Variants in LBP observed in about 807,000 individuals in gnomAD.
LBP encodes the protein lipopolysaccharide-binding protein.
In LBP, 53 loss-of-function variants were observed where a neutral mutation model predicts 56.6. The ratio of observed to expected loss-of-function variants is 0.94; its 90% confidence interval spans 0.75 to 1.18. The LOEUF (loss-of-function observed/expected upper bound fraction) is 1.18. LBP is among the 50% of genes most tolerant of loss of function. LBP has a pLI of 0.00. For missense variants in LBP, 601 were observed against 598.3 expected, an observed-to-expected ratio of 1.00 and a Z score of -0.05; for synonymous variants, 227 against 247.5, an observed-to-expected ratio of 0.92 and a Z score of 0.78.
chr20:38,355,762 A>G (rs912384659), intron 5 of LBP, among the ~76,000 whole-genome samples: 1 of 152,082 alleles, frequency 6.6e-6, no homozygotes, highest in Non-Finnish European at 1.5e-5. Flanking sequence ...AGGCGCCTGC[A>G]AGAGACCAGG....
At chr20:38,352,142 C>T (rs2076822712) in intron 3 of LBP, among the ~76,000 whole-genome samples, 2 of 152,120 alleles carry the variant, frequency 1.3e-5, no homozygotes, top group African/African-American at 4.8e-5. Context: ...TAGGGCCCAC[C>T]CTAATGGCCT....
At position 38,362,880 on chromosome 20, in the gene LBP, C is replaced by G. The variant is rs1046875370; in HGVS notation, c.653-1095C>G. Among the ~76,000 whole-genome samples the G allele has an allele frequency of 4.0e-5, 6 of 150,716 alleles. 1 individual carries two copies. The Middle Eastern group carries it at 0.015, about 367-fold the overall frequency. On this transcript the variant is annotated intron_variant, in intron 6 of 14. Transcript: ENST00000217407. Reference sequence around the variant, plus strand: ...GGAGGATCGCTTGAGCCCAGGAGGTCAAGGCAGCGGTGGGCTGAAATTGTG... The same window carrying G: ...GGAGGATCGCTTGAGCCCAGGAGGTGAAGGCAGCGGTGGGCTGAAATTGTG...
chr20:38,371,170 C>T, intron 11 of LBP, 110 bp from the exon 12 acceptor site: 10 of 788,258 alleles, frequency 1.3e-5, no homozygotes, highest in Non-Finnish European at 2.2e-5. Context: ...TCCCGCCCTA[C>T]CTTTGGCCCT....
intron 1 of LBP, among the ~76,000 whole-genome samples, chr20:38,349,185 C>T (rs1008940854): frequency 6.6e-6 from 1 of 152,220 alleles, no homozygotes; most frequent in African/African-American, 2.4e-5. Context: ...AAGATGCCCT[C>T]TTTCTCTAGC....
At chr20:38,347,267 G>A (rs898610050) in intron 1 of LBP, among the ~76,000 whole-genome samples, 11 of 152,228 alleles carry the variant, frequency 7.2e-5, no homozygotes, top group African/African-American at 2.7e-4. Flanking sequence ...GGGCAGGCCA[G>A]GCACAGTGGC....
At chr20:38,373,694 C>G (rs1457679283) in intron 13 of LBP, among the ~76,000 whole-genome samples, 1 of 152,148 alleles carries the variant, frequency 6.6e-6, no homozygotes, top group African/African-American at 2.4e-5. Context: ...AGTCAGCCTC[C>G]CTGGGTTTAA....
intron 10 of LBP, among the ~76,000 whole-genome samples, chr20:38,370,246 T>G (rs1191742565): frequency 6.6e-6 from 1 of 152,024 alleles, no homozygotes; most frequent in East Asian, 1.9e-4. Context: ...CCTGGTGGCA[T>G]GCACCTGTAG....
chr20:38,365,654 A>G (rs1739638), intron 8 of LBP, among the ~76,000 whole-genome samples: 97,479 of 146,642 alleles, frequency 0.66, 33,292 homozygotes, highest in African/African-American at 0.83. Context: ...CTGTGATCTC[A>G]CTACTTCACT....
Position 38,354,293 on chromosome 20 carries a change from G to T in LBP, c.378G>T (p.Gln126His), listed in dbSNP as rs1023463724. Reference protein sequence around the residue: ...WKVRKSFFKLQGSFDVSVKGI... With the variant: ...WKVRKSFFKLHGSFDVSVKGI... ...CTCTTACCTCCTCCAGCAAACTACA[G>T]GGCTCCTTTGATGTCAGTGTCAAGG... The change falls in exon 4 of 15, where the codon CAG becomes CAT. Residue 126 changes from glutamine (Q) to histidine (H), a missense_variant. By Grantham distance (24) the Gln-to-His change is conservative. Coordinates refer to ENST00000217407, the MANE Select transcript of LBP (RefSeq NM_004139.5). 6.2e-7 allele frequency: 1 copy of T among 1,612,922 alleles called. No homozygotes were observed.
intron 6 of LBP, among the ~76,000 whole-genome samples, chr20:38,362,635 TAATA>T (rs1376626894): frequency 6.9e-6 from 1 of 144,370 alleles, no homozygotes; most frequent in Non-Finnish European, 1.5e-5. Flanking sequence ...AAATAATAAA[TAATA>T]AATAAACAAA....
intron 13 of LBP, among the ~76,000 whole-genome samples, 175 bp from the exon 14 acceptor site, chr20:38,373,762 C>T (rs2076908695): frequency 6.6e-6 from 1 of 152,162 alleles, no homozygotes; most frequent in African/African-American, 2.4e-5. Flanking sequence ...CACTCTGTGC[C>T]TCAGTTTCCT....
intron 14 of LBP, among the ~76,000 whole-genome samples, chr20:38,374,950 ATTT>A (rs370110558): frequency 3.9e-5 from 5 of 127,132 alleles, no homozygotes; most frequent in Admixed American, 7.9e-5. Flanking sequence ...CTCCCAGCTA[ATTT>A]TTTTTTTTTT....
chr20:38,364,840 C>A, intron 8 of LBP, 88 bp downstream of exon 8: 3 of 1,195,384 alleles, frequency 2.5e-6, no homozygotes, highest in South Asian at 1.5e-5. Flanking sequence ...TGACATCAGT[C>A]AAATAGTGAG....
chr20:38,363,155 A>G (rs780075369), intron 6 of LBP, among the ~76,000 whole-genome samples: 11 of 152,100 alleles, frequency 7.2e-5, no homozygotes, highest in Admixed American at 2.0e-4. Context: ...CCTAGTACCT[A>G]TGGTCGCATG....
chr20:38,375,048 C>G (rs1005318602), intron 14 of LBP, among the ~76,000 whole-genome samples: 2 of 150,510 alleles, frequency 1.3e-5, no homozygotes, highest in Admixed American at 6.6e-5. Context: ...ATGCTCACCT[C>G]AGCCTCCCAA....
intron 8 of LBP, among the ~76,000 whole-genome samples, 170 bp downstream of exon 8, chr20:38,364,922 A>G (rs5744210): frequency 0.013 from 1,958 of 152,328 alleles, 24 homozygotes; most frequent in Non-Finnish European, 0.017. Context: ...TTGGCAACCA[A>G]GAAACTCAAA....
At chr20:38,364,243 C>T (rs146837243) in intron 7 of LBP, among the ~76,000 whole-genome samples, 177 bp downstream of exon 7, 17 of 152,272 alleles carry the variant, frequency 1.1e-4, no homozygotes, top group African/African-American at 3.1e-4. Context: ...GATTCTCCCA[C>T]GGCTGTCTTA....
At chr20:38,366,177 T>C (rs113020874) in intron 8 of LBP, among the ~76,000 whole-genome samples, 2,199 of 152,286 alleles carry the variant, frequency 0.014, 17 homozygotes, top group Non-Finnish European at 0.023. Context: ...CGGTCCAGCT[T>C]ACCCTGGTAT....
chr20:38,366,403 C>T lies in LBP; in HGVS notation c.922-366C>T, dbSNP rs115061643. Among the ~76,000 whole-genome samples, 343 of 152,206 alleles carry T rather than the reference C, an allele frequency of 2.3e-3. 1 individual carries two copies. Among genetic ancestry groups the T allele is most frequent in the African/African-American group, 8.1e-3 (337 of 41,524 alleles). ...TGTTCGTTTAGGCCTCACAGTGACT[C>T]GAAGGTGGGGACTATTGTTATCCCC... On this transcript the variant is annotated intron_variant, in intron 8 of 14. Coordinates refer to ENST00000217407, the MANE Select transcript of LBP (RefSeq NM_004139.5).
Sources: gnomAD v4.1 joint callset for allele counts (sites outside exome capture counted in the v4.1 genomes callset) on GRCh38, gnomAD v4.1.1 for gene constraint, MANE v1.5 for transcripts, NCBI Gene and HGNC (gene_info 2026-07-23, HGNC 2026-07-21) for gene names.